CFAP91: variants seen among roughly 807,000 people sequenced by gnomAD.
The protein encoded by CFAP91 is cilia and flagella associated protein 91.
In CFAP91, 85 loss-of-function variants were observed where a neutral mutation model predicts 95.9. The ratio of observed to expected loss-of-function variants is 0.89; its 90% CI spans 0.74 to 1.06. The LOEUF (loss-of-function observed/expected upper bound fraction) is 1.06. Ranked by LOEUF, CFAP91 falls within the 50% of genes least tolerant of loss-of-function variation. The pLI, the probability that CFAP91 is intolerant of heterozygous loss-of-function variation, is 0.00. For synonymous variants in CFAP91, 335 were observed against 327.5 expected, an observed-to-expected ratio of 1.02 and a Z score of -0.25; for missense variants, 962 against 943.4, an observed-to-expected ratio of 1.02 and a Z score of -0.26.
Position 119,715,584 on chromosome 3 carries a change from C to T in CFAP91, c.523C>T (p.Pro175Ser). Reference protein sequence around the residue: ...VSKAEPYTFPPTSTKHLSIPS... With the variant: ...VSKAEPYTFPSTSTKHLSIPS... Reference sequence around the variant, plus strand: ...TAGGGCAGAACCATACACTTTTCCTCCTACTTCTACTAAGCACCTATCCAT... The same window carrying T: ...TAGGGCAGAACCATACACTTTTCCTTCTACTTCTACTAAGCACCTATCCAT... The change falls in exon 6 of 18, where the codon CCT becomes TCT. Residue 175 changes from proline to serine, a missense_variant. Coordinates refer to ENST00000273390, the MANE Select transcript of CFAP91 (RefSeq NM_033364.4). The T allele has an allele frequency of 6.2e-7, 1 of 1,614,096 alleles. No homozygotes were observed. Among genetic ancestry groups the T allele is most frequent in the South Asian group, 1.1e-5 (1 of 91,086 alleles).
rs757396626 is a variant in CFAP91 at position 119,703,107 on chromosome 3, C to A, written c.9C>A (p.His3Gln). MSHAVTIEEPQAQ... is the reference protein window; with the variant it reads MSQAVTIEEPQAQ... ...AGGAAAGAGGCGGCACCATGAGCCA[C>A]GCAGTAACCATCGAGGAGCCCCAGG... Residue 3 changes from histidine (H) to glutamine (Q), a missense_variant, in exon 1 of 18, where the codon CAC becomes CAA. Coordinates refer to ENST00000273390, the MANE Select transcript of CFAP91 (RefSeq NM_033364.4). The A allele has an allele frequency of 2.5e-5, 39 of 1,556,954 alleles. No homozygotes were observed. Among genetic ancestry groups the A allele is most frequent in the Non-Finnish European group, 3.1e-5 (36 of 1,150,172 alleles).
In CFAP91 at chr3:119,710,192, T is replaced by C. The variant is rs534842763; in HGVS notation, c.500+297T>C. On this transcript the variant is annotated intron_variant, in intron 5 of 17. Transcript: ENST00000273390. ...TGATGGATTATGATATAAAATGTATTTCTTACTGTTAGTTGTCCATTTGTG... is the reference window on the plus strand; with the variant it reads ...TGATGGATTATGATATAAAATGTATCTCTTACTGTTAGTTGTCCATTTGTG... 59 of 246,590 alleles carry C rather than the reference T, an allele frequency of 2.4e-4. 1 individual carries two copies. The South Asian group carries it at 5.2e-3, about 22-fold the overall frequency. The allele number at this position is 246,590 out of a possible 1,614,324, so 15.3% of individuals were successfully genotyped here.
chr3:119,735,439 T>C (rs771658138), intron 10 of CFAP91, among the ~76,000 whole-genome samples: 1 of 152,216 alleles, frequency 6.6e-6, no homozygotes, highest in Non-Finnish European at 1.5e-5. Flanking sequence ...ATATGTAGTA[T>C]TTGTCATTCT....
rs2054624559 is a variant in CFAP91, at chr3:119,766,218, A to C, written c.*1168A>C. 6.6e-6 allele frequency: 1 copy of C among 151,398 alleles called. No individual in the cohort carries two copies. The highest frequency in any genetic ancestry group is 6.6e-5 in the Admixed American group (1 of 15,262). 9.4% of individuals were successfully genotyped at this position (151,398 alleles called of 1,614,324 possible). On this transcript the variant is annotated 3_prime_UTR_variant, in exon 18 of 18. Transcript: ENST00000273390. ...CAAAGAGATTAAAATGACAGAAGTT[A>C]GCTGTAGATGACCTATCCCACAGCA...
At chr3:119,738,141 T>C (rs2054045383) in intron 11 of CFAP91, among the ~76,000 whole-genome samples, 1 of 152,010 alleles carries the variant, frequency 6.6e-6, no homozygotes, top group Non-Finnish European at 1.5e-5. Flanking sequence ...GAAGCCAGAT[T>C]GTATTCAGAA....
intron 6 of CFAP91, among the ~76,000 whole-genome samples, chr3:119,717,869 A>G (rs1473291081): frequency 6.6e-6 from 1 of 152,214 alleles, no homozygotes; most frequent in African/African-American, 2.4e-5. Context: ...TCCTGTGAAG[A>G]GGCCCATGGA....
At chr3:119,760,851 A>G (rs1360888293) in intron 17 of CFAP91, among the ~76,000 whole-genome samples, 1 of 151,766 alleles carries the variant, frequency 6.6e-6, no homozygotes, top group African/African-American at 2.4e-5. Context: ...AACACAAGAC[A>G]TAGTTATGGG....
intron 14 of CFAP91, among the ~76,000 whole-genome samples, chr3:119,746,239 TTACTATAA>T (rs1017139831): frequency 6.6e-6 from 1 of 152,246 alleles, no homozygotes; most frequent in African/African-American, 2.4e-5. Flanking sequence ...ATACTGGCAG[TTACTATAA>T]TACATGGCTT....
intron 17 of CFAP91, among the ~76,000 whole-genome samples, chr3:119,763,015 A>G (rs925140495): frequency 2.6e-5 from 4 of 152,050 alleles, no homozygotes; most frequent in Non-Finnish European, 5.9e-5. Flanking sequence ...AAAACAATAA[A>G]CAGAGTGAAG....
At chr3:119,746,292 A>G (rs1221530740) in intron 14 of CFAP91, among the ~76,000 whole-genome samples, 1 of 152,182 alleles carries the variant, frequency 6.6e-6, no homozygotes, top group African/African-American at 2.4e-5. Context: ...CTGTACATTT[A>G]TGTGCTCTGT....
chr3:119,754,766 A>G (rs2054392505), intron 17 of CFAP91, among the ~76,000 whole-genome samples: 1 of 152,214 alleles, frequency 6.6e-6, no homozygotes, highest in Admixed American at 6.5e-5. Context: ...CAGCAGAGCT[A>G]TGGGGTGGGA....
intron 10 of CFAP91, among the ~76,000 whole-genome samples, chr3:119,735,738 C>T (rs2053988928): frequency 6.6e-6 from 1 of 152,142 alleles, no homozygotes; most frequent in Non-Finnish European, 1.5e-5. Context: ...GCAGATTATT[C>T]CCAACTCCTT....
chr3:119,712,912 G>A (rs1214551523), intron 5 of CFAP91, among the ~76,000 whole-genome samples: 4 of 147,612 alleles, frequency 2.7e-5, no homozygotes, highest in African/African-American at 7.6e-5. Flanking sequence ...CTGAGATCAC[G>A]CCACTGTCCT....
Position 119,732,473 on chromosome 3 carries a change from G to T in CFAP91, c.1198G>T (p.Glu400Ter). 6.4e-7 allele frequency: 1 copy of T among 1,573,772 alleles called. No individual in the cohort carries two copies. ...VVKNYYLNTYEGLVELESCLP... is the reference protein window; with the variant it reads ...VVKNYYLNTY ...AAAAAACTACTATCTCAACACCTAT[G>T]AAGGTAAGCAATTTACATAATTAGA... Residue 400 changes from glutamate to a stop codon, truncating the protein, a stop_gained, in exon 9 of 18, where the codon GAA (glutamate) becomes TAA (stop). Coordinates refer to ENST00000273390, the MANE Select transcript of CFAP91 (RefSeq NM_033364.4). LOFTEE classifies it high-confidence loss of function.
At chr3:119,738,330 G>GTT (rs1559761130) in intron 11 of CFAP91, among the ~76,000 whole-genome samples, 6 of 23,706 alleles carry the variant, frequency 2.5e-4, no homozygotes, top group Non-Finnish European at 6.1e-4. Context: ...TTGACATATT[G>GTT]TCTTTTTTTT....
At chr3:119,716,509 A>C (rs2053577254) in intron 6 of CFAP91, among the ~76,000 whole-genome samples, 1 of 152,224 alleles carries the variant, frequency 6.6e-6, no homozygotes, top group South Asian at 2.1e-4. Flanking sequence ...TCCCAGACAA[A>C]GAAGATGTTC....
intron 17 of CFAP91, among the ~76,000 whole-genome samples, chr3:119,755,617 G>A (rs1468325539): frequency 6.6e-6 from 1 of 152,158 alleles, no homozygotes; most frequent in Non-Finnish European, 1.5e-5. Context: ...CTGTCACCTT[G>A]ATCTTGGACT....
At position 119,766,524 on chromosome 3, in the gene CFAP91, C is replaced by T. The variant is rs992351009; in HGVS notation, c.*1474C>T. 2 of 152,050 alleles carry T rather than the reference C, an allele frequency of 1.3e-5. No homozygotes were observed. Among genetic ancestry groups the T allele is most frequent in the African/African-American group, 4.8e-5 (2 of 41,386 alleles). 9.4% of individuals were successfully genotyped at this position (152,050 alleles called of 1,614,324 possible). A position where few individuals can be genotyped will look rare whatever the true frequency, so the allele number is the denominator to read the frequency against. Reference sequence around the variant, plus strand: ...TTATATCATTCACTTTTGAAATAAACCATCGAGAACACAAAATGACAAGTG... The same window carrying T: ...TTATATCATTCACTTTTGAAATAAATCATCGAGAACACAAAATGACAAGTG... On this transcript the variant is annotated 3_prime_UTR_variant, in exon 18 of 18. Coordinates refer to ENST00000273390, the MANE Select transcript of CFAP91 (RefSeq NM_033364.4).
chr3:119,743,343 C>G (rs1049580816), intron 13 of CFAP91, among the ~76,000 whole-genome samples: 142 of 152,200 alleles, frequency 9.3e-4, no homozygotes, highest in African/African-American at 3.2e-3. Flanking sequence ...GTCTCGAACT[C>G]CTGACCTCAG....
Sources: gnomAD v4.1 joint callset for allele counts (sites outside exome capture counted in the v4.1 genomes callset) on GRCh38, gnomAD v4.1.1 for gene constraint, MANE v1.5 for transcripts, NCBI Gene and HGNC (gene_info 2026-07-23, HGNC 2026-07-21) for gene names.